Variants in TAS2R1 observed in about 807,000 individuals in gnomAD.
The protein encoded by TAS2R1 is taste 2 receptor member 1.
For synonymous variants in TAS2R1, 141 were observed against 134.2 expected (o/e 1.05, Z -0.35); for missense variants, 370 against 353.4 (o/e 1.05, Z -0.38).
the TAS2R1 span, among the ~76,000 whole-genome samples, chr5:9,876,431 AC>A: frequency 6.6e-6 from 1 of 151,978 alleles, no homozygotes; most frequent in Non-Finnish European, 1.5e-5. Flanking sequence ...CCTAGTTATG[AC>A]TGTTGAAGGC....
chr5:9,664,337 T>A (rs1017438130), intron 1 of TAS2R1, among the ~76,000 whole-genome samples: 1 of 152,218 alleles, frequency 6.6e-6, no homozygotes. Flanking sequence ...TTTAATCGTG[T>A]TTCCTTTAGG....
the TAS2R1 span, among the ~76,000 whole-genome samples, chr5:9,762,244 A>T: frequency 2.0e-5 from 3 of 152,180 alleles, no homozygotes; most frequent in African/African-American, 7.2e-5. Flanking sequence ...ACCTCCACAT[A>T]CAACCGCCCC....
chr5:9,780,690 T>TGTGTGC, the TAS2R1 span, among the ~76,000 whole-genome samples: 965 of 151,996 alleles, frequency 6.3e-3, 4 homozygotes, highest in Admixed American at 9.0e-3. Flanking sequence ...TGTGTGTGTG[T>TGTGTGC]GCGCGCGCGC....
At chr5:9,821,359 C>T in the TAS2R1 span, among the ~76,000 whole-genome samples, 2 of 152,180 alleles carry the variant, frequency 1.3e-5, no homozygotes, top group Admixed American at 1.3e-4. Context: ...CAGGTATTTC[C>T]ATGCTTGGTG....
At chr5:9,781,444 G>T in the TAS2R1 span, among the ~76,000 whole-genome samples, 1 of 152,044 alleles carries the variant, frequency 6.6e-6, no homozygotes, top group Non-Finnish European at 1.5e-5. Context: ...TGTGTGCTGG[G>T]GTCTGATTGC....
intron 1 of TAS2R1, among the ~76,000 whole-genome samples, chr5:9,664,817 T>A (rs946516565): frequency 3.3e-5 from 5 of 152,232 alleles, no homozygotes; most frequent in African/African-American, 1.2e-4. Context: ...TGTGATTACA[T>A]TTATTTAACT....
the TAS2R1 span, among the ~76,000 whole-genome samples, chr5:9,870,556 T>G: frequency 6.6e-6 from 1 of 152,050 alleles, no homozygotes; most frequent in Non-Finnish European, 1.5e-5. Flanking sequence ...ACTATGTACA[T>G]TAGGCTAGAC....
intron 1 of TAS2R1, among the ~76,000 whole-genome samples, chr5:9,663,657 A>G (rs1740577799): frequency 6.6e-6 from 1 of 152,212 alleles, no homozygotes; most frequent in African/African-American, 2.4e-5. Context: ...GCTATTCTCA[A>G]AAAGTTTTAG....
the TAS2R1 span, among the ~76,000 whole-genome samples, chr5:9,755,895 T>C: frequency 2.6e-5 from 4 of 152,324 alleles, no homozygotes; most frequent in Admixed American, 1.3e-4. Context: ...ATAGCCATCT[T>C]GGTTTTGGTG....
the TAS2R1 span, among the ~76,000 whole-genome samples, chr5:9,866,461 A>C: frequency 6.6e-6 from 1 of 152,226 alleles, no homozygotes; most frequent in Non-Finnish European, 1.5e-5. Context: ...TGTATAAAAA[A>C]TGTAGAGACA....
chr5:9,812,597 T>C, the TAS2R1 span, among the ~76,000 whole-genome samples: 1 of 152,112 alleles, frequency 6.6e-6, no homozygotes, highest in Non-Finnish European at 1.5e-5. Context: ...CACAGAAAAC[T>C]ACCTAGAGGT....
At chr5:9,833,225 G>A in the TAS2R1 span, among the ~76,000 whole-genome samples, 3 of 152,132 alleles carry the variant, frequency 2.0e-5, no homozygotes, top group Admixed American at 1.3e-4. Flanking sequence ...TCCTTTGTCC[G>A]TAAGGAATTT....
At chr5:9,893,387 T>C in the TAS2R1 span, among the ~76,000 whole-genome samples, 5 of 152,106 alleles carry the variant, frequency 3.3e-5, no homozygotes, top group African/African-American at 4.8e-5. Context: ...AGTCTTTCAG[T>C]CTGTTCTGCC....
At chr5:9,891,382 G>C in the TAS2R1 span, among the ~76,000 whole-genome samples, 1 of 152,150 alleles carries the variant, frequency 6.6e-6, no homozygotes, top group African/African-American at 2.4e-5. Context: ...TGTAATAGAT[G>C]TACTATTTTT....
chr5:9,770,134 A>G, the TAS2R1 span, among the ~76,000 whole-genome samples: 1 of 152,140 alleles, frequency 6.6e-6, no homozygotes, highest in African/African-American at 2.4e-5. Flanking sequence ...TCAGATGGAT[A>G]TTCAGTTTTC....
At chr5:9,776,113 G>T in the TAS2R1 span, among the ~76,000 whole-genome samples, 1 of 152,204 alleles carries the variant, frequency 6.6e-6, no homozygotes, top group Admixed American at 6.5e-5. Flanking sequence ...TGGAACTCGG[G>T]TTCTCACCAC....
the TAS2R1 span, among the ~76,000 whole-genome samples, chr5:9,824,700 A>T: frequency 6.6e-6 from 1 of 152,068 alleles, no homozygotes; most frequent in African/African-American, 2.4e-5. Flanking sequence ...TATAAAAATT[A>T]GCCAGGTGTG....
the TAS2R1 span, among the ~76,000 whole-genome samples, chr5:9,804,723 C>A: frequency 6.6e-6 from 1 of 152,018 alleles, no homozygotes; most frequent in East Asian, 1.9e-4. Context: ...CTTGTCCAAA[C>A]CTCTGGGATA....
intron 2 of TAS2R1, among the ~76,000 whole-genome samples, chr5:9,655,150 G>A (rs1289064429): frequency 1.3e-5 from 2 of 152,158 alleles, no homozygotes; most frequent in African/African-American, 4.8e-5. Flanking sequence ...GGCCTGCAGG[G>A]TTTATGGGAA....
Sources: gnomAD v4.1 joint callset for allele counts (sites outside exome capture counted in the v4.1 genomes callset) on GRCh38, gnomAD v4.1.1 for gene constraint, MANE v1.5 for transcripts, NCBI Gene and HGNC (gene_info 2026-07-23, HGNC 2026-07-21) for gene names.